The following MROH9 variants were observed in gnomAD, a reference collection of about 807,000 sequenced individuals.
MROH9 encodes maestro heat-like repeat-containing protein family member 9.
MROH9 carries 92 observed loss-of-function variants against 98.2 expected under a neutral mutation model. That is an observed-to-expected ratio of 0.94 (90% CI 0.79 to 1.11). The LOEUF (loss-of-function observed/expected upper bound fraction) is 1.11. Among genes scored for constraint, MROH9 ranks in the 50% most tolerant of loss-of-function variants. The pLI is 0.00. For synonymous variants in MROH9, 397 were observed against 368.9 expected, an observed-to-expected ratio of 1.08 and a Z score of -0.87; for missense variants, 1,057 against 1,014.8, an observed-to-expected ratio of 1.04 and a Z score of -0.57.
chr1:171,063,840 C>A (rs1326454671), intron 21 of MROH9, among the ~76,000 whole-genome samples: 2 of 152,184 alleles, frequency 1.3e-5, no homozygotes, highest in South Asian at 4.1e-4. Flanking sequence ...GCAGAATGCT[C>A]AGCACATAAA....
intron 20 of MROH9, among the ~76,000 whole-genome samples, chr1:171,027,990 G>C (rs553899821): frequency 6.6e-6 from 1 of 152,054 alleles, no homozygotes; most frequent in African/African-American, 2.4e-5. Context: ...TCTGTAGGTT[G>C]CCTGTTCAGT....
chr1:171,040,435 G>A (rs1557909985), intron 20 of MROH9, among the ~76,000 whole-genome samples: 1 of 151,966 alleles, frequency 6.6e-6, no homozygotes, highest in South Asian at 2.1e-4. Context: ...ACACAAAAAG[G>A]GTAACTATGT....
intron 20 of MROH9, among the ~76,000 whole-genome samples, chr1:171,025,679 C>T (rs1652685559): frequency 6.6e-6 from 1 of 152,020 alleles, no homozygotes; most frequent in Non-Finnish European, 1.5e-5. Flanking sequence ...AGTGACATAC[C>T]ATTGTTCATT....
At chr1:170,987,172 T>G (rs1487239033) in intron 10 of MROH9, among the ~76,000 whole-genome samples, 2 of 152,190 alleles carry the variant, frequency 1.3e-5, no homozygotes, top group African/African-American at 4.8e-5. Context: ...ATTTTTTGTG[T>G]GAAATATTTC....
intron 5 of MROH9, among the ~76,000 whole-genome samples, chr1:170,960,072 T>C (rs6695676): frequency 0.85 from 129,246 of 152,182 alleles, 55,322 homozygotes; most frequent in Middle Eastern, 0.98. Context: ...GTGGAGAGAA[T>C]GTACAACACT....
intron 8 of MROH9, among the ~76,000 whole-genome samples, chr1:170,972,826 A>AT (rs1345153270): frequency 7.6e-3 from 324 of 42,512 alleles, no homozygotes; most frequent in Middle Eastern, 0.056. Context: ...AAAAAAAAAA[A>AT]AATACACACA....
chr1:170,946,072 A>C (rs1210585009), intron 2 of MROH9, among the ~76,000 whole-genome samples: 1 of 152,068 alleles, frequency 6.6e-6, no homozygotes, highest in Non-Finnish European at 1.5e-5. Flanking sequence ...TATTGAAAGC[A>C]AGAAGTTATC....
At chr1:170,984,915 C>G (rs897327628) in intron 9 of MROH9, among the ~76,000 whole-genome samples, 1 of 152,004 alleles carries the variant, frequency 6.6e-6, no homozygotes, top group Admixed American at 6.6e-5. Context: ...GGCCTATAGC[C>G]AAAGACAAAG....
rs1571507278 is a variant in MROH9 at position 171,019,373 on chromosome 1, GC to G, written c.1908+3039del. Among the ~76,000 whole-genome samples, 10 of 152,126 alleles carry G rather than the reference GC, an allele frequency of 6.6e-5. No individual in the cohort carries two copies. The East Asian group carries it at 1.9e-3, about 29-fold the overall frequency. On this transcript the variant is annotated intron_variant, in intron 17 of 21. Coordinates refer to ENST00000367759, the MANE Select transcript of MROH9 (RefSeq NM_001163629.2). ...CCATGTCATAAGGCTAGAAACATCG[GC>G]CAGGAGAAGTGGCTGATGCCTGTAA...
chr1:171,052,935 G>A (rs1653715904), intron 20 of MROH9, among the ~76,000 whole-genome samples: 2 of 152,132 alleles, frequency 1.3e-5, no homozygotes, highest in Non-Finnish European at 2.9e-5. Flanking sequence ...TAATTCAGGT[G>A]AGCAGGAATG....
intron 14 of MROH9, 107 bp from the exon 15 acceptor site, chr1:170,998,047 A>G (rs1259336897): frequency 1.2e-6 from 1 of 814,344 alleles, no homozygotes; most frequent in Non-Finnish European, 1.9e-6. Flanking sequence ...ATTAAAGAAT[A>G]TCTTTCATCT....
intron 6 of MROH9, among the ~76,000 whole-genome samples, chr1:170,962,361 T>A (rs1386700683): frequency 6.6e-6 from 1 of 152,140 alleles, no homozygotes; most frequent in Non-Finnish European, 1.5e-5. Flanking sequence ...TCAACTCAGG[T>A]GCTAAAGAAA....
At chr1:170,985,366 C>T (rs140933806) in intron 9 of MROH9, among the ~76,000 whole-genome samples, 2 of 152,094 alleles carry the variant, frequency 1.3e-5, no homozygotes, top group Non-Finnish European at 2.9e-5. Flanking sequence ...TGTAACAACA[C>T]GGCGTAGCAG....
At chr1:170,986,837 A>G in intron 10 of MROH9, 127 bp downstream of exon 10, 1 of 1,100,380 alleles carries the variant, frequency 9.1e-7, no homozygotes, top group Non-Finnish European at 1.3e-6. Context: ...ACTTCAATAT[A>G]ATGAGGCTTT....
intron 20 of MROH9, among the ~76,000 whole-genome samples, chr1:171,061,117 C>T (rs779992020): frequency 2.6e-5 from 4 of 152,138 alleles, no homozygotes; most frequent in East Asian, 1.9e-4. Context: ...AGTAAATACA[C>T]ACATGATCTT....
intron 21 of MROH9, among the ~76,000 whole-genome samples, chr1:171,063,384 G>A (rs1654070115): frequency 6.7e-6 from 1 of 150,352 alleles, no homozygotes; most frequent in Non-Finnish European, 1.5e-5. Context: ...TTCTGAGTAA[G>A]TGGGACGACA....
At chr1:171,035,157 A>G (rs1337189836) in intron 20 of MROH9, among the ~76,000 whole-genome samples, 1 of 152,138 alleles carries the variant, frequency 6.6e-6, no homozygotes, top group Non-Finnish European at 1.5e-5. Context: ...TTAAAAATCA[A>G]GCAACAAGCT....
chr1:170,977,968 T>C (rs1650780035), intron 8 of MROH9, among the ~76,000 whole-genome samples: 1 of 152,288 alleles, frequency 6.6e-6, no homozygotes, highest in Non-Finnish European at 1.5e-5. Context: ...TGGCCCCCTT[T>C]CTCTGGGTTG....
At chr1:170,961,068 A>G (rs1043132826) in intron 5 of MROH9, among the ~76,000 whole-genome samples, 37 of 152,362 alleles carry the variant, frequency 2.4e-4, no homozygotes, top group African/African-American at 8.9e-4. Context: ...CATAGATAGT[A>G]GTAAGTAGCA....
Sources: allele counts gnomAD v4.1 joint callset (sites outside exome capture counted in the v4.1 genomes callset), GRCh38; gene constraint gnomAD v4.1.1; transcripts MANE v1.5; gene names NCBI Gene and HGNC (gene_info 2026-07-23, HGNC 2026-07-21).